CWF19L2: variants seen among roughly 807,000 people sequenced by gnomAD.
CWF19L2 encodes the protein CWF19-like protein 2.
Under a neutral mutation model 111.7 loss-of-function variants are expected in CWF19L2, and 98 were observed. That is an observed-to-expected ratio of 0.88 (90% CI 0.75 to 1.04). The LOEUF is 1.04. CWF19L2 is among the 50% of genes least tolerant of loss of function. The pLI, the probability that CWF19L2 is intolerant of heterozygous loss-of-function variation, is 0.00. For synonymous variants in CWF19L2, 351 were observed against 342.9 expected, an observed-to-expected ratio of 1.02 and a Z score of -0.26; for missense variants, 1,101 against 1,051.4, an observed-to-expected ratio of 1.05 and a Z score of -0.65.
At chr11:107,388,414 G>C (rs551066265) in intron 12 of CWF19L2, among the ~76,000 whole-genome samples, 2 of 151,464 alleles carry the variant, frequency 1.3e-5, no homozygotes, top group East Asian at 2.0e-4. Flanking sequence ...ACGGAGTCTT[G>C]CTCTGTCGTC....
intron 14 of CWF19L2, among the ~76,000 whole-genome samples, chr11:107,340,715 A>G (rs1448328150): frequency 2.0e-5 from 3 of 152,154 alleles, no homozygotes; most frequent in Admixed American, 2.0e-4. Context: ...CTATACCTAC[A>G]AAAAAATCTT....
At chr11:107,338,584 AGGCTCCAG>A (rs1480065894) in intron 14 of CWF19L2, among the ~76,000 whole-genome samples, 1 of 151,984 alleles carries the variant, frequency 6.6e-6, no homozygotes, top group East Asian at 1.9e-4. Context: ...ACCCACCGAC[AGGCTCCAG>A]TGTGTGTTGT....
intron 12 of CWF19L2, among the ~76,000 whole-genome samples, chr11:107,363,403 T>C (rs1051437134): frequency 2.0e-5 from 3 of 151,744 alleles, no homozygotes; most frequent in Non-Finnish European, 4.4e-5. Context: ...GAAGGAAAAA[T>C]GTTAAGGGCA....
At chr11:107,382,175 T>C (rs1034130267) in intron 12 of CWF19L2, among the ~76,000 whole-genome samples, 12 of 152,166 alleles carry the variant, frequency 7.9e-5, no homozygotes, top group African/African-American at 2.7e-4. Context: ...CTGGAGTCAA[T>C]AGAATGTATT....
intron 4 of CWF19L2, among the ~76,000 whole-genome samples, chr11:107,441,875 A>G (rs1861623620): frequency 6.6e-6 from 1 of 152,224 alleles, no homozygotes; most frequent in Non-Finnish European, 1.5e-5. Context: ...TAACAGATCT[A>G]AAGCATCCAG....
At chr11:107,374,215 A>T (rs1204056544) in intron 12 of CWF19L2, among the ~76,000 whole-genome samples, 1 of 128,618 alleles carries the variant, frequency 7.8e-6, no homozygotes, top group African/African-American at 3.4e-5. Context: ...TATCCAGGAG[A>T]ACTTCCCCAA....
At chr11:107,419,859 G>T (rs915222356) in intron 8 of CWF19L2, among the ~76,000 whole-genome samples, 4 of 151,920 alleles carry the variant, frequency 2.6e-5, no homozygotes, top group African/African-American at 4.8e-5. Flanking sequence ...TATATTTGAG[G>T]TTTATAACAA....
intron 6 of CWF19L2, among the ~76,000 whole-genome samples, chr11:107,438,025 G>A (rs560622884): frequency 6.6e-6 from 1 of 152,276 alleles, no homozygotes; most frequent in African/African-American, 2.4e-5. Flanking sequence ...AAAAGAAACT[G>A]TTAACTATTA....
intron 10 of CWF19L2, among the ~76,000 whole-genome samples, chr11:107,402,592 G>A (rs931961007): frequency 3.9e-5 from 6 of 152,004 alleles, no homozygotes; most frequent in East Asian, 3.9e-4. Context: ...AGATGTCAGC[G>A]TGGATGCGGT....
chr11:107,336,658 A>C lies in CWF19L2; in HGVS notation c.2258T>G (p.Phe753Cys). 1 of 1,588,864 alleles carries C rather than the reference A, an allele frequency of 6.3e-7. No homozygotes were observed. Among genetic ancestry groups the C allele is most frequent in the Non-Finnish European group, 8.6e-7 (1 of 1,162,796 alleles). ...MFEDKGLDCIFLETNMSMKKQ... is the reference protein window; with the variant it reads ...MFEDKGLDCICLETNMSMKKQ... ...CTTCATGCTCATATTAGTTTCCAAA[A>C]AAATGCAGTCTAATCCTTTATCTTC... The change falls in exon 15 of 18, where the codon TTT becomes TGT. Residue 753 changes from phenylalanine (F) to cysteine (C), a missense_variant. By Grantham distance (205) the Phe-to-Cys change is radical. Transcript: ENST00000282251.
At chr11:107,346,310 C>T (rs1860079562) in intron 14 of CWF19L2, among the ~76,000 whole-genome samples, 1 of 152,004 alleles carries the variant, frequency 6.6e-6, no homozygotes, top group African/African-American at 2.4e-5. Context: ...ACACATTTAT[C>T]TCTACTCTCT....
intron 10 of CWF19L2, among the ~76,000 whole-genome samples, chr11:107,411,914 A>G (rs1177733743): frequency 1.3e-5 from 2 of 152,202 alleles, no homozygotes. Context: ...AAATGGCACA[A>G]TGGTCTCTTA....
intron 3 of CWF19L2, among the ~76,000 whole-genome samples, chr11:107,447,828 G>C (rs1861721893): frequency 6.6e-6 from 1 of 152,116 alleles, no homozygotes; most frequent in African/African-American, 2.4e-5. Context: ...TCATTTAATT[G>C]AAACAGAACA....
intron 10 of CWF19L2, among the ~76,000 whole-genome samples, chr11:107,408,605 T>C (rs112728363): frequency 3.3e-5 from 5 of 151,990 alleles, no homozygotes; most frequent in Non-Finnish European, 7.4e-5. Flanking sequence ...TTTCAAGAAA[T>C]AAGCCCTCTA....
intron 8 of CWF19L2, among the ~76,000 whole-genome samples, chr11:107,420,013 C>T (rs1266176729): frequency 6.6e-6 from 1 of 151,382 alleles, no homozygotes; most frequent in Non-Finnish European, 1.5e-5. Context: ...AGTACACCAT[C>T]AAAGACAAAG....
At chr11:107,404,634 C>T (rs547413327) in intron 10 of CWF19L2, 9 of 519,980 alleles carry the variant, frequency 1.7e-5, no homozygotes, top group South Asian at 3.6e-5. Context: ...CTTTGTCCCA[C>T]GCTTACCCCA....
intron 11 of CWF19L2, 70 bp downstream of exon 11, chr11:107,392,709 T>C: frequency 1.2e-6 from 1 of 863,092 alleles, no homozygotes; most frequent in Non-Finnish European, 1.8e-6. Flanking sequence ...TTTTATAATC[T>C]GATACAAAGA....
At chr11:107,445,547 T>C (rs952106896) in intron 3 of CWF19L2, among the ~76,000 whole-genome samples, 11 of 150,916 alleles carry the variant, frequency 7.3e-5, no homozygotes, top group African/African-American at 2.4e-4. Context: ...GGGGTTGTGG[T>C]GAGCCAAGAT....
At chr11:107,383,071 T>C (rs1860715200) in intron 12 of CWF19L2, among the ~76,000 whole-genome samples, 1 of 152,242 alleles carries the variant, frequency 6.6e-6, no homozygotes, top group South Asian at 2.1e-4. Flanking sequence ...TCTTCACCTA[T>C]ATCCTTTATG....
Sources: allele counts gnomAD v4.1 joint callset (sites outside exome capture counted in the v4.1 genomes callset), GRCh38; gene constraint gnomAD v4.1.1; transcripts MANE v1.5; gene names NCBI Gene and HGNC (gene_info 2026-07-23, HGNC 2026-07-21).